Variants in SDS observed in about 807,000 individuals in gnomAD.
SDS encodes the protein L-serine dehydratase/L-threonine deaminase.
SDS carries 19 observed loss-of-function variants against 29.3 expected under a neutral mutation model. The observed-to-expected ratio is 0.65, with a 90% CI of 0.45 to 0.95. The LOEUF (loss-of-function observed/expected upper bound fraction) is 0.95, where lower values mean the gene tolerates loss of function less well. Among genes scored for constraint, SDS ranks in the 40% least tolerant of loss-of-function variants. The pLI, the probability that SDS is intolerant of heterozygous loss-of-function variation, is 0.00. For synonymous variants in SDS, 176 were observed against 189.0 expected (o/e 0.93, Z 0.56); for missense variants, 375 against 439.9 (o/e 0.85, Z 1.32).
Position 113,392,709 on chromosome 12 carries a change from G to C in SDS, c.*232C>G. On this transcript the variant is annotated 3_prime_UTR_variant, in exon 8 of 8. Transcript: ENST00000257549. ...TTGTGGGCACTTGTCACGCCAGCAA[G>C]TTGGCTAAGGATGGGCACAGAGCAG... 1 of 535,408 alleles carries C rather than the reference G, an allele frequency of 1.9e-6. No individual in the cohort carries two copies. 33.2% of individuals were successfully genotyped at this position (535,408 alleles called of 1,614,324 possible). A position where few individuals can be genotyped will look rare whatever the true frequency, so the allele number is the denominator to read the frequency against.
intron 7 of SDS, among the ~76,000 whole-genome samples, 168 bp from the exon 8 acceptor site, chr12:113,393,317 C>A (rs938538069): frequency 6.6e-6 from 1 of 152,242 alleles, no homozygotes; most frequent in Non-Finnish European, 1.5e-5. Flanking sequence ...ATTGGCCCTT[C>A]CAAGCCTGAG....
intron 1 of SDS, among the ~76,000 whole-genome samples, chr12:113,401,914 T>A (rs935004166): frequency 6.6e-6 from 1 of 152,070 alleles, no homozygotes; most frequent in African/African-American, 2.4e-5. Flanking sequence ...CCCTCCACCA[T>A]CCCAGAAGGC....
At chr12:113,398,636 G>A in intron 4 of SDS, 30 bp from the exon 5 acceptor site, 1 of 1,600,868 alleles carries the variant, frequency 6.2e-7, no homozygotes, top group Non-Finnish European at 8.5e-7. Context: ...ATAGGAGGGG[G>A]TGAGGCACAG....
chr12:113,399,038 C>T (rs1255737664), intron 3 of SDS, 74 bp downstream of exon 3: 1 of 1,595,100 alleles, frequency 6.3e-7, no homozygotes, highest in South Asian at 1.1e-5. Flanking sequence ...CTGGGGAAAC[C>T]AGGGCTCAGA....
chr12:113,402,230 G>T (rs935034262), intron 1 of SDS, among the ~76,000 whole-genome samples: 1 of 152,128 alleles, frequency 6.6e-6, no homozygotes, highest in African/African-American at 2.4e-5. Flanking sequence ...TTCAAAACAG[G>T]ACATCCCCAA....
At position 113,392,791 on chromosome 12, in the gene SDS, C is replaced by T. The variant is rs1957618720; in HGVS notation, c.*150G>A. The T allele has an allele frequency of 1.3e-6, 1 of 779,564 alleles. No individual in the cohort carries two copies. Among genetic ancestry groups the T allele is most frequent in the Admixed American group, 2.3e-5 (1 of 44,200 alleles). The allele number at this position is 779,564 out of a possible 1,614,324, so 48.3% of individuals were successfully genotyped here. ...GCCTCGCTGGCTGCCGACCTTTGGC[C>T]TCTGCATAGTGGGCTCCTGATAACA... On this transcript the variant is annotated 3_prime_UTR_variant, in exon 8 of 8. Transcript: ENST00000257549.
At chr12:113,400,118 C>T (rs1957674931) in intron 1 of SDS, among the ~76,000 whole-genome samples, 1 of 152,146 alleles carries the variant, frequency 6.6e-6, no homozygotes, top group Non-Finnish European at 1.5e-5. Context: ...ATGGTGAAAC[C>T]CCGTCTCTAC....
At chr12:113,396,352 T>A (rs1008334563) in intron 6 of SDS, among the ~76,000 whole-genome samples, 1 of 150,824 alleles carries the variant, frequency 6.6e-6, no homozygotes, top group Non-Finnish European at 1.5e-5. Context: ...TTCCTTTCCT[T>A]TCCTTTCCTT....
chr12:113,403,715 G>C (rs1187439742), intron 1 of SDS, 53 bp downstream of exon 1: 1 of 152,368 alleles, frequency 6.6e-6, no homozygotes, highest in Non-Finnish European at 1.5e-5. Context: ...GAAACCACAG[G>C]CTAGCCCGGG....
At chr12:113,394,363 G>A (rs1957632647) in intron 6 of SDS, among the ~76,000 whole-genome samples, 3 of 143,302 alleles carry the variant, frequency 2.1e-5, no homozygotes, top group Middle Eastern at 3.4e-3. Context: ...TTTTTTAGAC[G>A]GAGTCTTGCT....
At chr12:113,394,394 C>T (rs1957632878) in intron 6 of SDS, among the ~76,000 whole-genome samples, 1 of 147,596 alleles carries the variant, frequency 6.8e-6, no homozygotes, top group African/African-American at 2.5e-5. Flanking sequence ...GGCTGGAGTG[C>T]AGTGGTGCGA....
chr12:113,399,846 C>G (rs1957673526), intron 1 of SDS, 136 bp from the exon 2 acceptor site: 1 of 866,058 alleles, frequency 1.2e-6, no homozygotes, highest in East Asian at 3.0e-5. Flanking sequence ...GACCTGGGCT[C>G]TAATCGCAAG....
At chr12:113,399,431 A>T in intron 2 of SDS, 125 bp downstream of exon 2, 1 of 1,191,964 alleles carries the variant, frequency 8.4e-7, no homozygotes, top group Non-Finnish European at 1.1e-6. Flanking sequence ...GTGGACGCTC[A>T]GTCCTTGCGG....
intron 3 of SDS, 121 bp downstream of exon 3, chr12:113,398,991 A>G: frequency 1.3e-6 from 2 of 1,537,550 alleles, no homozygotes; most frequent in South Asian, 1.2e-5. Flanking sequence ...GGAATTCCAA[A>G]TTGGTGGCTG....
At position 113,398,536 on chromosome 12, in the gene SDS, G is replaced by C. The variant is rs760055363; in HGVS notation, c.404C>G (p.Pro135Arg). 7.5e-6 allele frequency: 12 copies of C among 1,590,738 alleles called. No individual in the cohort carries two copies. The highest frequency in any genetic ancestry group is 5.6e-5 in the Admixed American group (3 of 53,116). Residue 135 changes from proline (P) to arginine (R), a missense_variant, in exon 5 of 8, where the codon CCC (proline) becomes CGC (arginine). Pro to Arg is a moderately radical substitution (Grantham distance 103). Transcript: ENST00000257549. ...ATACCAGATGAGGGGGTCATCAAAG[G>C]GGGGAATGTAGACCCAACCCGGGTT... ...KNNPGWVYIPPFDDPLIWEGH... is the reference protein window; with the variant it reads ...KNNPGWVYIPRFDDPLIWEGH...
At chr12:113,394,043 G>A in intron 6 of SDS, 27 bp from the exon 7 acceptor site, 2 of 1,612,910 alleles carry the variant, frequency 1.2e-6, no homozygotes, top group Non-Finnish European at 1.7e-6. Flanking sequence ...CCCAGAAGAG[G>A]ATGGGAGTGG....
intron 3 of SDS, 81 bp downstream of exon 3, chr12:113,399,031 G>A: frequency 6.3e-7 from 1 of 1,587,770 alleles, no homozygotes; most frequent in South Asian, 1.1e-5. Context: ...CACATTGCTG[G>A]GGAAACCAGG....
intron 6 of SDS, among the ~76,000 whole-genome samples, chr12:113,395,714 C>T (rs760709923): frequency 6.6e-6 from 1 of 152,178 alleles, no homozygotes; most frequent in Non-Finnish European, 1.5e-5. Flanking sequence ...GAAACAAACT[C>T]AAGGGACCTG....
intron 1 of SDS, among the ~76,000 whole-genome samples, chr12:113,399,983 C>A (rs1020452392): frequency 6.6e-6 from 1 of 152,160 alleles, no homozygotes; most frequent in Non-Finnish European, 1.5e-5. Flanking sequence ...AACACTCAAA[C>A]CTTGGAGCTT....
Sources: allele counts gnomAD v4.1 joint callset (sites outside exome capture counted in the v4.1 genomes callset), GRCh38; gene constraint gnomAD v4.1.1; transcripts MANE v1.5; gene names NCBI Gene and HGNC (gene_info 2026-07-23, HGNC 2026-07-21).